The following AGXT2 variants were observed in gnomAD, a reference collection of about 807,000 sequenced individuals.
AGXT2 encodes the protein alanine--glyoxylate aminotransferase 2, mitochondrial.
A neutral mutation model predicts 62.5 loss-of-function variants in AGXT2; 61 were observed. The observed-to-expected ratio is 0.98, with a 90% CI of 0.79 to 1.21. The LOEUF is 1.21. AGXT2 is among the 50% of genes most tolerant of loss of function. The pLI is 0.00. For missense variants in AGXT2, 666 were observed against 641.5 expected, an observed-to-expected ratio of 1.04 and a Z score of -0.41; for synonymous variants, 243 against 218.7, an observed-to-expected ratio of 1.11 and a Z score of -0.98.
At chr5:34,998,899 C>A (rs116567467) in intron 13 of AGXT2, 73 bp from the exon 14 acceptor site, 2 of 1,154,208 alleles carry the variant, frequency 1.7e-6, no homozygotes, top group Non-Finnish European at 2.6e-6. Flanking sequence ...ATGCACTAAA[C>A]TAAAAATCCA....
intron 12 of AGXT2, among the ~76,000 whole-genome samples, chr5:35,005,394 A>T (rs1416035312): frequency 6.6e-6 from 1 of 151,952 alleles, no homozygotes; most frequent in African/African-American, 2.4e-5. Flanking sequence ...ACACCTGGCT[A>T]ATTTTTGTAT....
intron 9 of AGXT2, among the ~76,000 whole-genome samples, chr5:35,022,180 T>C (rs1387712402): frequency 1.4e-4 from 21 of 152,152 alleles, no homozygotes; most frequent in Non-Finnish European, 7.3e-5. Flanking sequence ...TCCTCAGGGA[T>C]CTAGAACTAG....
intron 13 of AGXT2, among the ~76,000 whole-genome samples, chr5:35,002,230 TC>T (rs1766254720): frequency 2.0e-5 from 3 of 152,002 alleles, no homozygotes; most frequent in Admixed American, 1.3e-4. Context: ...ACAGAGCACA[TC>T]CCAGCAAAAG....
chr5:35,004,464 C>A (rs1766347577), intron 12 of AGXT2, among the ~76,000 whole-genome samples: 1 of 152,160 alleles, frequency 6.6e-6, no homozygotes, highest in African/African-American at 2.4e-5. Flanking sequence ...GTGTCAGATC[C>A]CCAGCCATTC....
Position 34,999,393 on chromosome 5 carries a change from C to T in AGXT2, c.1438-567G>A, listed in dbSNP as rs114242233. ...TCCTTCCTTTCTACCCAGCTCAGAA[C>T]GCAGAGTTGAATGAAGTAGGCTCAC... On this transcript the variant is annotated intron_variant, in intron 13 of 13. Transcript: ENST00000231420. Among the ~76,000 whole-genome samples, 1,458 of 152,278 alleles carry T rather than the reference C, an allele frequency of 9.6e-3. 23 individuals are homozygous for T. Among genetic ancestry groups the T allele is most frequent in the African/African-American group, 0.034 (1,404 of 41,548 alleles).
Position 35,033,444 on chromosome 5 carries a change from A to G in AGXT2, c.675+16T>C, listed in dbSNP as rs1273430099. The G allele has an allele frequency of 6.3e-7, 1 of 1,587,886 alleles. No homozygotes were observed. The highest frequency in any genetic ancestry group is 8.7e-7 in the Non-Finnish European group (1 of 1,155,968). On this transcript the variant is annotated intron_variant, in intron 6 of 13. Transcript: ENST00000231420. ...AGCAGTCTTTAAAGAAACAAGAGAA[A>G]AATCTCCAAACTCACTGGTTGGCAA...
At chr5:35,002,096 A>G (rs972634309) in intron 13 of AGXT2, among the ~76,000 whole-genome samples, 4 of 152,170 alleles carry the variant, frequency 2.6e-5, no homozygotes, top group Non-Finnish European at 5.9e-5. Context: ...ACAAAGGAAG[A>G]GCTAAGCAAG....
chr5:35,047,824 C>T lies in AGXT2; in HGVS notation c.69G>A (p.Glu23=), dbSNP rs1768311683. 1 of 1,613,968 alleles carries T rather than the reference C, an allele frequency of 6.2e-7. No individual in the cohort carries two copies. Among genetic ancestry groups the T allele is most frequent in the Non-Finnish European group, 8.5e-7 (1 of 1,180,022 alleles). Reference sequence around the variant, plus strand: ...ACTTACGGCTCAGGAAAGGATGCATCTCAAGGATCCTGGGAGCGGAAGTGA... The same window carrying T: ...ACTTACGGCTCAGGAAAGGATGCATTTCAAGGATCCTGGGAGCGGAAGTGA... ...CLVTSAPRIL[E]MHPFLSLGTS... The change falls in exon 1 of 14, where the codon GAG becomes GAA. Residue 23 remains glutamate, a synonymous_variant. Transcript: ENST00000231420.
intron 6 of AGXT2, 39 bp from the exon 7 acceptor site, chr5:35,032,864 C>T (rs2112264720): frequency 4.6e-6 from 7 of 1,537,028 alleles, no homozygotes; most frequent in Non-Finnish European, 5.3e-6. Context: ...AAAGCATGAA[C>T]ACAAGACAGC....
At chr5:35,010,214 G>A (rs1191983466) in intron 11 of AGXT2, 65 bp from the exon 12 acceptor site, 7 of 1,603,160 alleles carry the variant, frequency 4.4e-6, no homozygotes, top group South Asian at 1.1e-5. Context: ...GAGAATCGTG[G>A]AGAAGTCATT....
At chr5:35,043,596 G>A (rs1294599269) in intron 1 of AGXT2, among the ~76,000 whole-genome samples, 1 of 152,090 alleles carries the variant, frequency 6.6e-6, no homozygotes, top group Non-Finnish European at 1.5e-5. Context: ...ACAGTGGTGT[G>A]AGCATGGCTT....
chr5:35,022,096 A>G (rs1767122762), intron 9 of AGXT2, among the ~76,000 whole-genome samples: 1 of 152,106 alleles, frequency 6.6e-6, no homozygotes, highest in Non-Finnish European at 1.5e-5. Flanking sequence ...GAGGATGTGG[A>G]GAAATAGGAA....
At chr5:35,025,958 A>G (rs1247850370) in intron 8 of AGXT2, 103 bp from the exon 9 acceptor site, 12 of 968,622 alleles carry the variant, frequency 1.2e-5, no homozygotes, top group Non-Finnish European at 2.0e-5. Flanking sequence ...TGACAGTAAC[A>G]CTAGCAATTT....
In AGXT2 at chr5:34,998,768, TCTA is replaced by T. The variant is rs1337289502; in HGVS notation, c.1493_1495del (p.Val498del). 9 of 1,614,066 alleles carry T rather than the reference TCTA, an allele frequency of 5.6e-6. No homozygotes were observed. Among genetic ancestry groups the T allele is most frequent in the Non-Finnish European group, 6.8e-6 (8 of 1,180,002 alleles). On this transcript the variant is annotated inframe_deletion, in exon 14 of 14. Coordinates refer to ENST00000231420, the MANE Select transcript of AGXT2 (RefSeq NM_031900.4). The stretch of plus-strand genomic sequence containing the variant: ...TTGGGTTAAGGCAGAACGAAATACT[TCTA>T]CTGCAAAATCAACTTCTGGTTTAGT...
intron 7 of AGXT2, among the ~76,000 whole-genome samples, chr5:35,027,956 G>T (rs1011646194): frequency 1.3e-5 from 2 of 151,510 alleles, no homozygotes; most frequent in African/African-American, 4.9e-5. Flanking sequence ...TGTTCTTGGT[G>T]GTGTATTTAA....
intron 11 of AGXT2, among the ~76,000 whole-genome samples, chr5:35,010,384 T>C (rs1269509471): frequency 1.3e-5 from 2 of 152,080 alleles, no homozygotes; most frequent in Non-Finnish European, 2.9e-5. Context: ...TGGCTAAGTA[T>C]TTAGGAAATA....
chr5:35,039,215 T>C, intron 3 of AGXT2, 109 bp downstream of exon 3: 3 of 1,288,378 alleles, frequency 2.3e-6, no homozygotes, highest in Admixed American at 1.7e-5. Context: ...CAATCTGTCA[T>C]AGATATTTTT....
chr5:35,028,462 G>A (rs1283971490), intron 7 of AGXT2, among the ~76,000 whole-genome samples: 1 of 151,900 alleles, frequency 6.6e-6, no homozygotes, highest in Admixed American at 6.6e-5. Flanking sequence ...GACTAGAGAT[G>A]AGTGGGAAGA....
At chr5:35,002,758 C>T (rs763139679) in intron 13 of AGXT2, among the ~76,000 whole-genome samples, 22 of 142,518 alleles carry the variant, frequency 1.5e-4, no homozygotes, top group Non-Finnish European at 2.9e-4. Flanking sequence ...CAGGCTATGG[C>T]GCTTTGTGAT....
Sources: gnomAD v4.1 joint callset for allele counts (sites outside exome capture counted in the v4.1 genomes callset) on GRCh38, gnomAD v4.1.1 for gene constraint, MANE v1.5 for transcripts, NCBI Gene and HGNC (gene_info 2026-07-23, HGNC 2026-07-21) for gene names.